The following PALS1 variants were observed in gnomAD, a reference collection of about 807,000 sequenced individuals.
PALS1 encodes protein PALS1.
PALS1 carries 31 observed loss-of-function variants against 78.9 expected under a neutral mutation model. That is an observed-to-expected ratio of 0.39 (90% CI 0.30 to 0.53). PALS1 has a LOEUF of 0.53. Among genes scored for constraint, PALS1 ranks in the 20% least tolerant of loss-of-function variants. PALS1 has a pLI of 0.67. For synonymous variants in PALS1, 276 were observed against 270.9 expected, an observed-to-expected ratio of 1.02 and a Z score of -0.18; for missense variants, 704 against 826.5, an observed-to-expected ratio of 0.85 and a Z score of 1.82.
Position 67,255,876 on chromosome 14 carries a change from G to A in PALS1, c.-236-13825G>A, listed in dbSNP as rs769476946. 3.3e-5 allele frequency among the ~76,000 whole-genome samples: 5 copies of A among 152,096 alleles called. No individual in the cohort carries two copies. In the South Asian group the frequency reaches 6.2e-4, roughly 19 times the overall value. On this transcript the variant is annotated intron_variant, in intron 1 of 14. Transcript: ENST00000261681. ...CTAATTTTGTATTTTTAGTAGAGACGGGGTTTCACCATGTTGGCCAGGCTG... is the reference window on the plus strand; with the variant it reads ...CTAATTTTGTATTTTTAGTAGAGACAGGGTTTCACCATGTTGGCCAGGCTG...
intron 1 of PALS1, among the ~76,000 whole-genome samples, chr14:67,256,376 G>A (rs1211551108): frequency 6.6e-6 from 1 of 152,080 alleles, no homozygotes. Context: ...ATAAAAAGTA[G>A]AAAGATCAGA....
Position 67,279,263 on chromosome 14 carries a change from G to A in PALS1, c.93G>A (p.Lys31=), listed in dbSNP as rs1199903611. ...TTGCATCACCAGAGGAACATCAGAA[G>A]CACCGAGAGATGGCTGTTGACTGCC... ...VDLASPEEHQ[K]HREMAVDCPG... is the part of the protein sequence containing the mutation. The change falls in exon 3 of 15, where the codon AAG becomes AAA. Residue 31 remains lysine (K), a synonymous_variant. Coordinates refer to ENST00000261681, the MANE Select transcript of PALS1 (RefSeq NM_022474.4). The A allele has an allele frequency of 6.2e-7, 1 of 1,613,970 alleles. No homozygotes were observed. Among genetic ancestry groups the A allele is most frequent in the Non-Finnish European group, 8.5e-7 (1 of 1,179,974 alleles).
intron 3 of PALS1, among the ~76,000 whole-genome samples, chr14:67,287,035 G>A (rs1595586579): frequency 1.3e-5 from 2 of 152,042 alleles, no homozygotes. Flanking sequence ...TTGGGTGACA[G>A]TGAAATCTTG....
intron 2 of PALS1, among the ~76,000 whole-genome samples, chr14:67,273,358 T>C (rs748307240): frequency 2.7e-5 from 4 of 150,518 alleles, no homozygotes; most frequent in Non-Finnish European, 4.4e-5. Context: ...CACCTATGAG[T>C]GAGAACATGC....
At chr14:67,279,785 A>T in intron 3 of PALS1, 1 of 384,630 alleles carries the variant, frequency 2.6e-6, no homozygotes, top group Non-Finnish European at 4.6e-6. Context: ...AGAGTTCTGC[A>T]TGGGCCCTAA....
chr14:67,323,265 A>ATATATATG (rs2141005907), intron 13 of PALS1, among the ~76,000 whole-genome samples: 1 of 132,272 alleles, frequency 7.6e-6, no homozygotes, highest in East Asian at 2.0e-4. Flanking sequence ...GTGTGTGTAT[A>ATATATATG]TATATATATG....
chr14:67,286,425 T>G (rs2084688436), intron 3 of PALS1, among the ~76,000 whole-genome samples: 1 of 152,216 alleles, frequency 6.6e-6, no homozygotes, highest in Non-Finnish European at 1.5e-5. Context: ...TTGACAGGAC[T>G]GATTTAGTTA....
chr14:67,250,026 G>C (rs2084043834), intron 1 of PALS1, among the ~76,000 whole-genome samples: 1 of 152,126 alleles, frequency 6.6e-6, no homozygotes, highest in Non-Finnish European at 1.5e-5. Flanking sequence ...TCAAGATAAA[G>C]CTGTTCTATT....
intron 3 of PALS1, among the ~76,000 whole-genome samples, chr14:67,280,515 C>A (rs1179084522): frequency 6.6e-6 from 1 of 152,168 alleles, no homozygotes; most frequent in African/African-American, 2.4e-5. Context: ...GTTAACAGTA[C>A]TCTGTAATCT....
In PALS1 at chr14:67,279,062, A is replaced by T; in HGVS notation, c.-109A>T. 9.3e-7 allele frequency: 1 copy of T among 1,076,948 alleles called. No individual in the cohort carries two copies. The highest frequency in any genetic ancestry group is 1.3e-6 in the Non-Finnish European group (1 of 789,274). The allele number at this position is 1,076,948 out of a possible 1,614,324, so 66.7% of individuals were successfully genotyped here. On this transcript the variant is annotated 5_prime_UTR_variant, in exon 3 of 15. The change abolishes the stop of an existing upstream ORF in the 5' untranslated region. Coordinates refer to ENST00000261681, the MANE Select transcript of PALS1 (RefSeq NM_022474.4). ...TTTCATAGCATTATTATGTGATGTG[A>T]GAAGTTTTTTTTTTTGAAGTAACAT...
intron 4 of PALS1, among the ~76,000 whole-genome samples, chr14:67,297,948 A>G (rs1169519176): frequency 1.3e-5 from 2 of 152,222 alleles, no homozygotes; most frequent in African/African-American, 4.8e-5. Flanking sequence ...CTAGGCAAAT[A>G]GAATAAGGCA....
chr14:67,314,435 A>AT (rs992091093), intron 9 of PALS1, among the ~76,000 whole-genome samples: 1 of 152,198 alleles, frequency 6.6e-6, no homozygotes, highest in African/African-American at 2.4e-5. Flanking sequence ...CTAGAAACAG[A>AT]TTTTGTCTAT....
At chr14:67,243,221 C>T (rs1286114612) in intron 1 of PALS1, among the ~76,000 whole-genome samples, 1 of 151,660 alleles carries the variant, frequency 6.6e-6, no homozygotes, top group Non-Finnish European at 1.5e-5. Context: ...CATAGTCTCG[C>T]TCTTGCCCAG....
intron 1 of PALS1, among the ~76,000 whole-genome samples, chr14:67,262,387 T>C (rs1197112003): frequency 6.6e-6 from 1 of 152,156 alleles, no homozygotes; most frequent in Non-Finnish European, 1.5e-5. Flanking sequence ...AGAGACCTTA[T>C]TCTATGCATT....
chr14:67,247,585 AC>A (rs2084005757), intron 1 of PALS1, among the ~76,000 whole-genome samples: 1 of 148,270 alleles, frequency 6.7e-6, no homozygotes, highest in African/African-American at 2.5e-5. Flanking sequence ...TATCTTGTTC[AC>A]TTTTTTTTTT....
intron 14 of PALS1, among the ~76,000 whole-genome samples, chr14:67,330,455 A>ATTTTT (rs533831095): frequency 1.7e-5 from 2 of 117,808 alleles, no homozygotes; most frequent in East Asian, 2.3e-4. Context: ...ATTTCCCTTC[A>ATTTTT]TTTTTTTTTT....
chr14:67,317,548 C>T, intron 11 of PALS1, 69 bp downstream of exon 11: 1 of 1,047,624 alleles, frequency 9.5e-7, no homozygotes, highest in Non-Finnish European at 1.4e-6. Flanking sequence ...CTGTTTTGCA[C>T]CTTAATGTTA....
chr14:67,301,570 C>A, intron 5 of PALS1, 104 bp downstream of exon 5: 1 of 664,930 alleles, frequency 1.5e-6, no homozygotes, highest in Admixed American at 3.0e-5. Flanking sequence ...ATTCTCTAGC[C>A]TATTTTGATG....
At chr14:67,241,919 G>C (rs1288153858) in intron 1 of PALS1, 1 of 152,194 alleles carries the variant, frequency 6.6e-6, no homozygotes, top group Non-Finnish European at 1.5e-5. Context: ...CTGGGAAATC[G>C]GCGAGGGAAC....
Sources: gnomAD v4.1 joint callset for allele counts (sites outside exome capture counted in the v4.1 genomes callset) on GRCh38, gnomAD v4.1.1 for gene constraint, MANE v1.5 for transcripts, NCBI Gene and HGNC (gene_info 2026-07-23, HGNC 2026-07-21) for gene names.